The following STIMATE variants were observed in gnomAD, a reference collection of about 807,000 sequenced individuals.
The protein encoded by STIMATE is store-operated calcium entry regulator STIMATE.
Under a neutral mutation model 36.7 loss-of-function variants are expected in STIMATE, and 15 were observed. That is an observed-to-expected ratio of 0.41 (90% CI 0.27 to 0.63). STIMATE has a LOEUF of 0.63. Ranked by LOEUF, STIMATE falls within the 20% of genes least tolerant of loss-of-function variation. The probability of loss-of-function intolerance (pLI) is 0.32; values close to 1 mark genes in which losing one functional copy is unlikely to be tolerated. For missense variants in STIMATE, 305 were observed against 397.3 expected (o/e 0.77, Z 1.98); for synonymous variants, 163 against 162.3 (o/e 1.00, Z -0.03).
intron 4 of STIMATE, chr3:52,846,698 G>A (rs1399416131): frequency 6.6e-6 from 1 of 152,198 alleles, no homozygotes; most frequent in East Asian, 1.9e-4. Context: ...AGAAACGTGA[G>A]AAAAGAGAAA....
chr3:52,852,295 C>A (rs1281623911), intron 3 of STIMATE, among the ~76,000 whole-genome samples: 1 of 152,156 alleles, frequency 6.6e-6, no homozygotes, highest in East Asian at 1.9e-4. Flanking sequence ...TCCTTCCTTG[C>A]CAGGGGCGGC....
At chr3:52,879,088 C>G (rs768817398) in intron 1 of STIMATE, among the ~76,000 whole-genome samples, 17 of 152,156 alleles carry the variant, frequency 1.1e-4, no homozygotes, top group South Asian at 2.1e-4. Flanking sequence ...TAAAGGAAGA[C>G]CAGTTCTTCT....
chr3:52,848,192 C>T (rs1700939914), intron 4 of STIMATE: 1 of 152,504 alleles, frequency 6.6e-6, no homozygotes, highest in Non-Finnish European at 1.5e-5. Flanking sequence ...AGCAGACAAG[C>T]TATCCTTCCT....
intron 1 of STIMATE, among the ~76,000 whole-genome samples, chr3:52,880,414 T>C (rs1164368226): frequency 2.0e-5 from 3 of 152,278 alleles, no homozygotes; most frequent in Non-Finnish European, 2.9e-5. Context: ...TATTACATAT[T>C]CATTATAAGT....
chr3:52,844,721 G>C, intron 5 of STIMATE, 108 bp downstream of exon 5: 1 of 1,129,468 alleles, frequency 8.9e-7, no homozygotes, highest in South Asian at 1.5e-5. Flanking sequence ...CACATTCATA[G>C]AGTTAAAACA....
intron 3 of STIMATE, 97 bp from the exon 4 acceptor site, chr3:52,850,010 C>G: frequency 6.8e-7 from 1 of 1,474,688 alleles, no homozygotes; most frequent in Non-Finnish European, 9.0e-7. Flanking sequence ...ATGGACCCAG[C>G]ATTTGTTTGG....
chr3:52,847,124 G>A lies in STIMATE; in HGVS notation c.428-2183C>T, dbSNP rs1216313607. 4 of 696,172 alleles carry A rather than the reference G, an allele frequency of 5.7e-6. No homozygotes were observed. In the Admixed American group the frequency reaches 2.4e-4, roughly 42 times the overall value. 43.1% of individuals were successfully genotyped at this position (696,172 alleles called of 1,614,324 possible). On this transcript the variant is annotated intron_variant, in intron 4 of 7. Transcript: ENST00000355083. ...GGGATCTTGCTTTGTTTCCAAGGCT[G>A]GTCTTAAGCTCCTGGGCTCAAGCGA...
At chr3:52,895,876 A>G in intron 1 of STIMATE, 1 of 1,289,030 alleles carries the variant, frequency 7.8e-7, no homozygotes, top group Non-Finnish European at 1.0e-6. Flanking sequence ...AGATCCACTC[A>G]CCATGTCTTG....
At chr3:52,860,431 G>A (rs149170940) in intron 1 of STIMATE, among the ~76,000 whole-genome samples, 3 of 152,228 alleles carry the variant, frequency 2.0e-5, no homozygotes, top group East Asian at 1.9e-4. Context: ...GGGAAGAGCC[G>A]TCCAGGCAGA....
chr3:52,845,598 C>T (rs1050136673), intron 4 of STIMATE, among the ~76,000 whole-genome samples: 1 of 152,170 alleles, frequency 6.6e-6, no homozygotes, highest in African/African-American at 2.4e-5. Context: ...GAGGGATGGG[C>T]CGGGGCCCAG....
chr3:52,870,088 T>C (rs898597183), intron 1 of STIMATE, among the ~76,000 whole-genome samples: 1 of 152,190 alleles, frequency 6.6e-6, no homozygotes, highest in African/African-American at 2.4e-5. Context: ...AGCACACATC[T>C]GGCTTCAGCC....
rs1700848681 is a variant in STIMATE, at chr3:52,843,750, C to G, written c.589G>C (p.Val197Leu). The change falls in exon 6 of 8, where the codon GTC becomes CTC. Residue 197 changes from valine to leucine, a missense_variant. Physicochemically the swap from Val to Leu is conservative, Grantham distance 32 (BLOSUM62 1). This residue lies in a region of STIMATE where 164 missense variants were observed against 257.9 expected (regional missense o/e 0.64). Coordinates refer to ENST00000355083, the MANE Select transcript of STIMATE (RefSeq NM_198563.5). ...IENPDLKLAI[V>L]MLIVPFFVNA... The stretch of plus-strand genomic sequence containing the variant: ...ACAAAGAAGGGGACGATCAGCATGA[C>G]GATGGCCAGCTTCAAGTCTGGGTTT... The G allele has an allele frequency of 6.2e-7, 1 of 1,613,814 alleles. No homozygotes were observed. Among genetic ancestry groups the G allele is most frequent in the Admixed American group, 1.7e-5 (1 of 59,986 alleles).
chr3:52,843,474 C>T (rs774725703), intron 6 of STIMATE, among the ~76,000 whole-genome samples: 1 of 152,076 alleles, frequency 6.6e-6, no homozygotes, highest in Non-Finnish European at 1.5e-5. Flanking sequence ...TGGTGGGAGG[C>T]CCCTCGGCAG....
At position 52,840,575 on chromosome 3, in the gene STIMATE, G is replaced by C; in HGVS notation, c.804C>G (p.Ser268=). The change falls in exon 8 of 8, where the codon TCC becomes TCG. Residue 268 remains serine, a synonymous_variant. Coordinates refer to ENST00000355083, the MANE Select transcript of STIMATE (RefSeq NM_198563.5). ...GTCTGCGGAGGTCCTCCTCCACGTC[G>C]GACTCCTCCATCTCATCATCCGCTG... ...LISADDEMEE[S]DVEEDLRRLT... is the part of the protein sequence containing the mutation. 1 of 1,613,928 alleles carries C rather than the reference G, an allele frequency of 6.2e-7. No individual in the cohort carries two copies. Among genetic ancestry groups the C allele is most frequent in the Non-Finnish European group, 8.5e-7 (1 of 1,179,962 alleles).
chr3:52,896,153 C>T (rs900618109), intron 1 of STIMATE, among the ~76,000 whole-genome samples: 3 of 152,074 alleles, frequency 2.0e-5, no homozygotes, highest in Non-Finnish European at 2.9e-5. Flanking sequence ...CTCAAAGAAA[C>T]CCCAAGTTAT....
rs1700748845 is a variant in STIMATE, at chr3:52,838,754, G to A, written c.*1740C>T. On this transcript the variant is annotated 3_prime_UTR_variant, in exon 8 of 8. Coordinates refer to ENST00000355083, the MANE Select transcript of STIMATE (RefSeq NM_198563.5). ...TCAAGTCCAGGACAGGTAGGGCTCT[G>A]AGAGGCAGAGGGCAGTCCCAGGGTA... is the stretch of plus-strand genomic sequence containing the variant. The A allele has an allele frequency of 6.6e-6, 1 of 152,226 alleles. No homozygotes were observed. Among genetic ancestry groups the A allele is most frequent in the African/African-American group, 2.4e-5 (1 of 41,446 alleles). 9.4% of individuals were successfully genotyped at this position (152,226 alleles called of 1,614,324 possible). A position where few individuals can be genotyped will look rare whatever the true frequency, so the allele number is the denominator to read the frequency against.
intron 1 of STIMATE, among the ~76,000 whole-genome samples, chr3:52,864,365 C>T (rs1014240988): frequency 3.3e-5 from 5 of 152,242 alleles, no homozygotes; most frequent in African/African-American, 9.6e-5. Flanking sequence ...ACATTGACCC[C>T]TTTCAGCCAT....
intron 1 of STIMATE, among the ~76,000 whole-genome samples, chr3:52,864,584 TC>T (rs1701271787): frequency 6.6e-6 from 1 of 152,230 alleles, no homozygotes; most frequent in Non-Finnish European, 1.5e-5. Flanking sequence ...AGCTTTTATT[TC>T]TCAGAAAATG....
intron 1 of STIMATE, among the ~76,000 whole-genome samples, chr3:52,894,079 G>C (rs1225412081): frequency 6.6e-6 from 1 of 151,892 alleles, no homozygotes; most frequent in Non-Finnish European, 1.5e-5. Context: ...CCACCAAAAC[G>C]AGGAATTGCT....
Sources: allele counts gnomAD v4.1 joint callset (sites outside exome capture counted in the v4.1 genomes callset), GRCh38; gene constraint gnomAD v4.1.1; regional missense constraint gnomAD v4.1.1; transcripts MANE v1.5; gene names NCBI Gene and HGNC (gene_info 2026-07-23, HGNC 2026-07-21).